Variants in ABTB3 observed in about 807,000 individuals in gnomAD.
ABTB3 encodes ankyrin repeat- and BTB/POZ domain-containing protein 3.
the ABTB3 span, among the ~76,000 whole-genome samples, chr12:107,435,038 C>A: frequency 6.6e-6 from 1 of 152,178 alleles, no homozygotes; most frequent in African/African-American, 2.4e-5. Context: ...ACTCATTGTC[C>A]TGGCTTTAAT....
chr12:107,410,691 A>G, the ABTB3 span, among the ~76,000 whole-genome samples: 7 of 152,194 alleles, frequency 4.6e-5, no homozygotes, highest in Admixed American at 4.6e-4. Flanking sequence ...GGAAGGAGAA[A>G]GAGAAGGGAC....
At chr12:107,384,736 G>A in the ABTB3 span, among the ~76,000 whole-genome samples, 7 of 152,146 alleles carry the variant, frequency 4.6e-5, no homozygotes, top group African/African-American at 7.2e-5. Context: ...CCCCAGGAGC[G>A]GGTGTGACCT....
At chr12:107,572,607 G>A in the ABTB3 span, among the ~76,000 whole-genome samples, 4 of 152,270 alleles carry the variant, frequency 2.6e-5, no homozygotes, top group Admixed American at 2.6e-4. Context: ...TATTTAAACT[G>A]TGAGAGCCTG....
At chr12:107,610,102 C>A in the ABTB3 span, 1 of 1,487,226 alleles carries the variant, frequency 6.7e-7, no homozygotes, top group Non-Finnish European at 9.3e-7. Flanking sequence ...AAAGCAAATG[C>A]AATGTCCCAG....
chr12:107,398,762 C>T, the ABTB3 span, among the ~76,000 whole-genome samples: 2 of 152,180 alleles, frequency 1.3e-5, no homozygotes, highest in African/African-American at 4.8e-5. Flanking sequence ...ACTCACACTA[C>T]ACAAGACTTA....
chr12:107,333,360 G>C, the ABTB3 span, among the ~76,000 whole-genome samples: 5 of 152,150 alleles, frequency 3.3e-5, no homozygotes, highest in Non-Finnish European at 7.4e-5. Context: ...AGCAAGCTGG[G>C]GTGCAAGTTT....
At chr12:107,487,772 G>A in the ABTB3 span, among the ~76,000 whole-genome samples, 11,511 of 152,154 alleles carry the variant, frequency 0.076, 564 homozygotes, top group Non-Finnish European at 0.1. Context: ...AAGACCGTTG[G>A]GAGTCAACTG....
chr12:107,543,125 T>C, the ABTB3 span, among the ~76,000 whole-genome samples: 7 of 152,050 alleles, frequency 4.6e-5, no homozygotes, highest in East Asian at 1.2e-3. Context: ...CACCTGAGGT[T>C]AGGAGTCCAA....
the ABTB3 span, among the ~76,000 whole-genome samples, chr12:107,610,999 A>G: frequency 2.0e-5 from 3 of 152,186 alleles, no homozygotes; most frequent in African/African-American, 7.2e-5. Context: ...CTCACATGGC[A>G]GCTCATGCAG....
the ABTB3 span, among the ~76,000 whole-genome samples, chr12:107,370,757 ATTTTTTTTTTT>A: frequency 9.1e-5 from 8 of 87,464 alleles, no homozygotes; most frequent in Admixed American, 4.1e-4. Flanking sequence ...CAAAAAAGGG[ATTTTTTTTTTT>A]TTTTTTTTTT....
the ABTB3 span, among the ~76,000 whole-genome samples, chr12:107,592,141 CTT>C: frequency 3.9e-5 from 6 of 152,178 alleles, no homozygotes; most frequent in African/African-American, 1.4e-4. Flanking sequence ...CCTGTGAAGA[CTT>C]AGCATTGAAA....
At chr12:107,632,672 G>C in the ABTB3 span, among the ~76,000 whole-genome samples, 12,838 of 152,284 alleles carry the variant, frequency 0.084, 633 homozygotes, top group Middle Eastern at 0.11. Context: ...TGGGTGCAGT[G>C]TGACCCAGCT....
the ABTB3 span, among the ~76,000 whole-genome samples, chr12:107,467,231 A>G: frequency 6.6e-6 from 1 of 152,078 alleles, no homozygotes; most frequent in Non-Finnish European, 1.5e-5. Flanking sequence ...TTGACCACCT[A>G]GCTGAGGTGG....
the ABTB3 span, among the ~76,000 whole-genome samples, chr12:107,481,883 GTCTCTCTC>G: frequency 7.3e-3 from 788 of 108,312 alleles, 10 homozygotes; most frequent in African/African-American, 0.019. Flanking sequence ...GAAATCAAGA[GTCTCTCTC>G]TCTCTCTCTC....
chr12:107,371,824 C>G, the ABTB3 span, among the ~76,000 whole-genome samples: 1 of 152,166 alleles, frequency 6.6e-6, no homozygotes, highest in Non-Finnish European at 1.5e-5. Flanking sequence ...GTTCTGTGAT[C>G]ATGGCAGACA....
the ABTB3 span, among the ~76,000 whole-genome samples, chr12:107,654,521 A>G: frequency 6.6e-6 from 1 of 151,252 alleles, no homozygotes; most frequent in African/African-American, 2.4e-5. Context: ...CTGGTCTTGA[A>G]CTCCTGATCT....
chr12:107,502,195 G>T, the ABTB3 span, among the ~76,000 whole-genome samples: 51 of 152,072 alleles, frequency 3.4e-4, no homozygotes, highest in African/African-American at 1.2e-3. Context: ...CTCTGGAGCA[G>T]CTGGGATTAC....
the ABTB3 span, among the ~76,000 whole-genome samples, chr12:107,655,410 G>A: frequency 6.6e-6 from 1 of 152,138 alleles, no homozygotes; most frequent in African/African-American, 2.4e-5. Flanking sequence ...GGAGGGCAGG[G>A]CAAAGCCAGC....
the ABTB3 span, among the ~76,000 whole-genome samples, chr12:107,611,378 G>A: frequency 6.6e-6 from 1 of 152,062 alleles, no homozygotes; most frequent in Non-Finnish European, 1.5e-5. Flanking sequence ...ACAGGGTCTT[G>A]CTACACTGCC....
Sources: gnomAD v4.1 joint callset for allele counts (sites outside exome capture counted in the v4.1 genomes callset) on GRCh38, gnomAD v4.1.1 for gene constraint, MANE v1.5 for transcripts, NCBI Gene and HGNC (gene_info 2026-07-23, HGNC 2026-07-21) for gene names.